NAA25: variants seen among roughly 807,000 people sequenced by gnomAD.
The protein encoded by NAA25 is N-terminal acetyltransferase B complex subunit NAA25.
NAA25 carries 30 observed loss-of-function variants against 132.5 expected under a neutral mutation model. The observed-to-expected ratio is 0.23, with a 90% CI of 0.17 to 0.31. The LOEUF (loss-of-function observed/expected upper bound fraction) is 0.31. Ranked by LOEUF, NAA25 falls within the 10% of genes least tolerant of loss-of-function variation. The pLI is 1.00. For synonymous variants in NAA25, 359 were observed against 401.9 expected, an observed-to-expected ratio of 0.89 and a Z score of 1.28; for missense variants, 771 against 1,150.4, an observed-to-expected ratio of 0.67 and a Z score of 4.77.
At chr12:112,070,112 AG>A (rs891941163) in intron 10 of NAA25, among the ~76,000 whole-genome samples, 1 of 152,214 alleles carries the variant, frequency 6.6e-6, no homozygotes, top group Non-Finnish European at 1.5e-5. Context: ...TGGGCAACAG[AG>A]GGAGACACTG....
chr12:112,074,114 G>A (rs571950332), intron 9 of NAA25, among the ~76,000 whole-genome samples: 1 of 152,176 alleles, frequency 6.6e-6, no homozygotes, highest in East Asian at 1.9e-4. Flanking sequence ...GCTGAGATGG[G>A]TGGATCACCT....
At position 112,096,063 on chromosome 12, in the gene NAA25, G is replaced by A. The variant is rs180810001; in HGVS notation, c.59-2927C>T. Among the ~76,000 whole-genome samples the A allele has an allele frequency of 2.6e-3, 389 of 152,314 alleles. 2 individuals carry two copies. Among genetic ancestry groups the A allele is most frequent in the African/African-American group, 9.1e-3 (380 of 41,570 alleles). The stretch of plus-strand genomic sequence containing the variant: ...TGTTAATAATAAGGGAAACCATGGG[G>A]ATGGGGAGAGGGAGTATTTGGGAAC... On this transcript the variant is annotated intron_variant, in intron 1 of 23. Coordinates refer to ENST00000261745, the MANE Select transcript of NAA25 (RefSeq NM_024953.4).
chr12:112,103,982 C>T (rs534355946), intron 1 of NAA25, among the ~76,000 whole-genome samples: 1 of 152,226 alleles, frequency 6.6e-6, no homozygotes, highest in East Asian at 1.9e-4. Flanking sequence ...TCCTACTGTG[C>T]GGCCCATTTC....
intron 18 of NAA25, 115 bp downstream of exon 18, chr12:112,043,510 G>T: frequency 1.7e-6 from 2 of 1,194,616 alleles, no homozygotes; most frequent in Non-Finnish European, 2.4e-6. Flanking sequence ...TCCTGCAGAA[G>T]CCATAAACTG....
intron 1 of NAA25, among the ~76,000 whole-genome samples, chr12:112,099,174 G>C (rs2079257016): frequency 6.6e-6 from 1 of 151,978 alleles, no homozygotes; most frequent in African/African-American, 2.4e-5. Flanking sequence ...ACTTTTAGTA[G>C]AGACGGGGTT....
At chr12:112,089,415 C>T (rs1450407795) in intron 3 of NAA25, among the ~76,000 whole-genome samples, 3 of 152,140 alleles carry the variant, frequency 2.0e-5, no homozygotes, top group African/African-American at 7.2e-5. Context: ...TAAACATACA[C>T]TTACCCCATG....
rs756563770 is a variant in NAA25, at chr12:112,042,076, T to C, written c.2403A>G (p.Ile801Met). ...LEDTMEIQERIENSFKSLLDQ... is the reference protein window; with the variant it reads ...LEDTMEIQERMENSFKSLLDQ... The stretch of plus-strand genomic sequence containing the variant: ...CTAGTAAAGACTTAAAACTATTTTC[T>C]ATTCGTTCCTGAATCTCCATTGTAT... The change falls in exon 20 of 24, where the codon ATA becomes ATG. Residue 801 changes from isoleucine (I) to methionine (M), a missense_variant. By Grantham distance (10) the Ile-to-Met change is conservative. Coordinates refer to ENST00000261745, the MANE Select transcript of NAA25 (RefSeq NM_024953.4). The C allele has an allele frequency of 1.3e-6, 2 of 1,488,368 alleles. No homozygotes were observed. The highest frequency in any genetic ancestry group is 8.9e-7 in the Non-Finnish European group (1 of 1,121,620). 92.2% of individuals were successfully genotyped at this position (1,488,368 alleles called of 1,614,324 possible). A position where few individuals can be genotyped will look rare whatever the true frequency, so the allele number is the denominator to read the frequency against.
chr12:112,073,387 A>G (rs1012493716), intron 9 of NAA25, among the ~76,000 whole-genome samples: 1 of 152,326 alleles, frequency 6.6e-6, no homozygotes, highest in South Asian at 2.1e-4. Context: ...GCATCAGCTC[A>G]TAACTGTCAT....
intron 21 of NAA25, 41 bp from the exon 22 acceptor site, chr12:112,039,380 T>A: frequency 8.7e-7 from 1 of 1,152,954 alleles, no homozygotes; most frequent in African/African-American, 1.6e-5. Flanking sequence ...AGGATTACAC[T>A]AAAAATATCT....
At chr12:112,084,614 C>A (rs1441398656) in intron 4 of NAA25, among the ~76,000 whole-genome samples, 1 of 151,418 alleles carries the variant, frequency 6.6e-6, no homozygotes, top group Non-Finnish European at 1.5e-5. Flanking sequence ...CATGGTGAAA[C>A]CCCATCTCTA....
intron 1 of NAA25, among the ~76,000 whole-genome samples, chr12:112,107,108 A>T (rs1007114330): frequency 2.0e-5 from 3 of 151,898 alleles, no homozygotes; most frequent in African/African-American, 4.8e-5. Flanking sequence ...AAAAACATGG[A>T]AGTTCGCTGG....
rs568720872 is a variant in NAA25, at chr12:112,078,789, C to G, written c.478-48G>C. 8.3e-6 allele frequency: 12 copies of G among 1,438,348 alleles called. 1 individual carries two copies. In the Admixed American group the frequency reaches 1.0e-4, roughly 12 times the overall value. 89.1% of individuals were successfully genotyped at this position (1,438,348 alleles called of 1,614,324 possible). On this transcript the variant is annotated intron_variant, in intron 5 of 23. Transcript: ENST00000261745. ...TCATTCTAATTCTCCCCTGCTTGCA[C>G]TATTGATATTAACATTACTGTTAAT... is the stretch of plus-strand genomic sequence containing the variant.
Position 112,027,999 on chromosome 12 carries a change from G to A in NAA25, c.*1532C>T, listed in dbSNP as rs2078105067. 6.6e-6 allele frequency: 1 copy of A among 152,190 alleles called. No individual in the cohort carries two copies. Among genetic ancestry groups the A allele is most frequent in the Non-Finnish European group, 1.5e-5 (1 of 68,040 alleles). 9.4% of individuals were successfully genotyped at this position (152,190 alleles called of 1,614,324 possible). On this transcript the variant is annotated 3_prime_UTR_variant, in exon 24 of 24. Transcript: ENST00000261745. ...AGCCTTATTTTGAACAGGTAATGTA[G>A]TAATTGTTTAAAATTTCCTTGGAAG...
In NAA25 at chr12:112,043,231, A is replaced by T; in HGVS notation, c.2251-20T>A. ...AGGATACTGGAAAAAAGGGAGAAAAATAATGCTCTTTTAAATCCATCTAAA... is the reference window on the plus strand; with the variant it reads ...AGGATACTGGAAAAAAGGGAGAAAATTAATGCTCTTTTAAATCCATCTAAA... On this transcript the variant is annotated intron_variant, in intron 18 of 23. Transcript: ENST00000261745. The T allele has an allele frequency of 1.3e-6, 2 of 1,566,298 alleles. No individual in the cohort carries two copies. Among genetic ancestry groups the T allele is most frequent in the East Asian group, 2.3e-5 (1 of 44,312 alleles).
At chr12:112,097,077 T>G (rs913919864) in intron 1 of NAA25, among the ~76,000 whole-genome samples, 1 of 152,172 alleles carries the variant, frequency 6.6e-6, no homozygotes, top group African/African-American at 2.4e-5. Flanking sequence ...GATGACCATG[T>G]CTAGACCATG....
At chr12:112,093,012 C>A in intron 2 of NAA25, 39 bp downstream of exon 2, 1 of 1,408,616 alleles carries the variant, frequency 7.1e-7, no homozygotes, top group Non-Finnish European at 9.9e-7. Context: ...ACAAATATAA[C>A]CCGCCACAGG....
intron 1 of NAA25, among the ~76,000 whole-genome samples, chr12:112,108,448 G>T (rs1001521326): frequency 2.0e-5 from 3 of 152,214 alleles, no homozygotes; most frequent in Non-Finnish European, 4.4e-5. Context: ...GGTGTCTGCA[G>T]AACCACGCGT....
intron 13 of NAA25, among the ~76,000 whole-genome samples, chr12:112,060,055 C>T (rs1314773778): frequency 3.3e-5 from 5 of 151,994 alleles, no homozygotes; most frequent in South Asian, 2.1e-4. Flanking sequence ...GTGATCCACC[C>T]GCCTCAGCCT....
chr12:112,036,004 T>C (rs2078220165), intron 22 of NAA25, among the ~76,000 whole-genome samples: 1 of 152,132 alleles, frequency 6.6e-6, no homozygotes, highest in Non-Finnish European at 1.5e-5. Context: ...CAAATGATAA[T>C]GATTATTATA....
Sources: gnomAD v4.1 joint callset for allele counts (sites outside exome capture counted in the v4.1 genomes callset) on GRCh38, gnomAD v4.1.1 for gene constraint, MANE v1.5 for transcripts, NCBI Gene and HGNC (gene_info 2026-07-23, HGNC 2026-07-21) for gene names.